The following TRMT10B variants were observed in gnomAD, a reference collection of about 807,000 sequenced individuals.
TRMT10B encodes the protein tRNA methyltransferase 10 homolog B.
TRMT10B carries 33 observed loss-of-function variants against 43.8 expected under a neutral mutation model. That is an observed-to-expected ratio of 0.75 (90% CI 0.57 to 1.01). The LOEUF is 1.01. TRMT10B is among the 50% of genes least tolerant of loss of function. TRMT10B has a pLI of 0.00. For missense variants in TRMT10B, 362 were observed against 369.8 expected (o/e 0.98, Z 0.17); for synonymous variants, 137 against 130.6 (o/e 1.05, Z -0.34).
rs1336699765 is a variant in TRMT10B at position 37,777,755 on chromosome 9, C to T, written c.*48C>T. The T allele has an allele frequency of 6.6e-7, 1 of 1,509,782 alleles. No homozygotes were observed. The highest frequency in any genetic ancestry group is 9.2e-7 in the Non-Finnish European group (1 of 1,086,474). 93.5% of individuals were successfully genotyped at this position (1,509,782 alleles called of 1,614,324 possible). A position where few individuals can be genotyped will look rare whatever the true frequency, so the allele number is the denominator to read the frequency against. On this transcript the variant is annotated 3_prime_UTR_variant, in exon 9 of 9. Coordinates refer to ENST00000297994, the MANE Select transcript of TRMT10B (RefSeq NM_144964.4). ...TGGCCAGGTGCTCACGCCGTAATGC[C>T]AACACTTTGGTAGACCGAAGTGGGC...
chr9:37,776,847 C>T (rs545966340), intron 8 of TRMT10B, among the ~76,000 whole-genome samples: 3 of 150,390 alleles, frequency 2.0e-5, no homozygotes, highest in African/African-American at 4.9e-5. Flanking sequence ...TGCAGTGAGC[C>T]GAGATCACAC....
At chr9:37,763,787 G>A (rs980294604) in intron 4 of TRMT10B, 34 bp downstream of exon 4, 19 of 1,612,666 alleles carry the variant, frequency 1.2e-5, no homozygotes, top group African/African-American at 4.0e-5. Flanking sequence ...ATTCCTGCTC[G>A]CCATGAGGGA....
At chr9:37,759,284 T>G (rs535368956) in intron 1 of TRMT10B, among the ~76,000 whole-genome samples, 1 of 152,324 alleles carries the variant, frequency 6.6e-6, no homozygotes, top group Non-Finnish European at 1.5e-5. Context: ...TACAATGGAA[T>G]GCTACTCAGC....
Position 37,760,092 on chromosome 9 carries a change from G to A in TRMT10B, c.-29-1811G>A, listed in dbSNP as rs186608530. Among the ~76,000 whole-genome samples the A allele has an allele frequency of 4.0e-4, 61 of 152,272 alleles. No homozygotes were observed. In the East Asian group the frequency reaches 9.9e-3, roughly 25 times the overall value. ...TGTAATCCCAGCACTTTGGGACGCC[G>A]AGGTGGGCGGATCACCTGAGGTCAG... On this transcript the variant is annotated intron_variant, in intron 1 of 8. Coordinates refer to ENST00000297994, the MANE Select transcript of TRMT10B (RefSeq NM_144964.4).
At chr9:37,763,904 C>T in intron 4 of TRMT10B, 151 bp downstream of exon 4, 2 of 1,488,614 alleles carry the variant, frequency 1.3e-6, no homozygotes, top group Middle Eastern at 1.8e-4. Flanking sequence ...TACTAAGTTC[C>T]AAGGTGGCTG....
rs779591108 is a variant in TRMT10B at position 37,762,630 on chromosome 9, G to T, written c.240G>T (p.Lys80Asn). The T allele has an allele frequency of 1.3e-6, 2 of 1,598,520 alleles. No individual in the cohort carries two copies. The highest frequency in any genetic ancestry group is 4.5e-5 in the East Asian group (2 of 44,712). Residue 80 changes from lysine (K) to asparagine (N), a missense_variant, in exon 3 of 9, where the codon AAG becomes AAT. Coordinates refer to ENST00000297994, the MANE Select transcript of TRMT10B (RefSeq NM_144964.4). ...GGGAAAAGATAGTTGCAGCAAAGAAGAGCAAAAGAAAGCAAGAAAAAGAAC... is the reference window on the plus strand; with the variant it reads ...GGGAAAAGATAGTTGCAGCAAAGAATAGCAAAAGAAAGCAAGAAAAAGAAC... The part of the protein sequence containing the change: ...RHWEKIVAAK[K>N]SKRKQEKERR...
At chr9:37,763,976 C>T (rs1349097030) in intron 4 of TRMT10B, 2 of 699,250 alleles carry the variant, frequency 2.9e-6, no homozygotes, top group Non-Finnish European at 4.3e-6. Flanking sequence ...TTTACCTTGT[C>T]TTCTGTTTTA....
intron 2 of TRMT10B, 24 bp downstream of exon 2, chr9:37,762,141 A>G (rs756551618): frequency 1.1e-5 from 17 of 1,599,076 alleles, no homozygotes; most frequent in Non-Finnish European, 1.4e-5. Flanking sequence ...TTGCCTGGCC[A>G]TAGGCCTTGA....
At chr9:37,773,181 C>T (rs894343544) in intron 7 of TRMT10B, among the ~76,000 whole-genome samples, 7 of 152,110 alleles carry the variant, frequency 4.6e-5, no homozygotes, top group African/African-American at 1.7e-4. Context: ...GATCATAGCT[C>T]GCTGCAACCT....
intron 1 of TRMT10B, among the ~76,000 whole-genome samples, chr9:37,759,120 C>A (rs1418923994): frequency 1.3e-5 from 2 of 152,220 alleles, no homozygotes. Flanking sequence ...CACACCTATG[C>A]TATGACCTAG....
intron 2 of TRMT10B, 124 bp downstream of exon 2, chr9:37,762,241 T>C (rs951700198): frequency 2.6e-6 from 3 of 1,152,628 alleles, no homozygotes; most frequent in Non-Finnish European, 3.6e-6. Flanking sequence ...TTCTGAGTGA[T>C]GAATTTTCTG....
chr9:37,777,300 G>C (rs935564030), intron 8 of TRMT10B, among the ~76,000 whole-genome samples: 1 of 143,850 alleles, frequency 7.0e-6, no homozygotes, highest in Non-Finnish European at 1.5e-5. Context: ...GATCTTCAGG[G>C]TTCAGTTCAG....
At chr9:37,761,457 G>GT (rs1449015874) in intron 1 of TRMT10B, among the ~76,000 whole-genome samples, 1 of 146,932 alleles carries the variant, frequency 6.8e-6, no homozygotes, top group Non-Finnish European at 1.5e-5. Flanking sequence ...CCCGCACTTT[G>GT]GGGGGCCGAG....
rs553172867 is a variant in TRMT10B, at chr9:37,760,217, G to C, written c.-29-1686G>C. Among the ~76,000 whole-genome samples the C allele has an allele frequency of 9.2e-5, 14 of 152,350 alleles. No individual in the cohort carries two copies. In the South Asian group the frequency reaches 2.5e-3, roughly 27 times the overall value. On this transcript the variant is annotated intron_variant, in intron 1 of 8. Coordinates refer to ENST00000297994, the MANE Select transcript of TRMT10B (RefSeq NM_144964.4). ...TGGCGCCTGTAATCCCACTACTGGG[G>C]AGGCTGAAGCAGGAGAATTGTTTGA...
chr9:37,763,165 A>AAAAC (rs74171523), intron 3 of TRMT10B, among the ~76,000 whole-genome samples: 1 of 143,842 alleles, frequency 7.0e-6, no homozygotes, highest in African/African-American at 2.5e-5. Flanking sequence ...AAAAAAAAAA[A>AAAAC]CAAAAAAAAA....
rs1346198810 is a variant in TRMT10B at position 37,776,318 on chromosome 9, A to C, written c.757A>C (p.Lys253Gln). Residue 253 changes from lysine to glutamine, a missense_variant, in exon 8 of 9, where the codon AAG becomes CAG. Transcript: ENST00000297994. Reference protein sequence around the residue: ...TFQKAREYSVKTARLPIQEYM... With the variant: ...TFQKAREYSVQTARLPIQEYM... ...TCAAAAGGCCCGGGAATACTCTGTC[A>C]AGACCGCACGCTTGCCAATCCAGGA... 4 of 1,608,832 alleles carry C rather than the reference A, an allele frequency of 2.5e-6. No homozygotes were observed. In the African/African-American group the frequency reaches 5.4e-5, roughly 22 times the overall value.
intron 1 of TRMT10B, among the ~76,000 whole-genome samples, chr9:37,760,329 GTAATT>G (rs1022007122): frequency 2.0e-5 from 3 of 152,104 alleles, no homozygotes; most frequent in Non-Finnish European, 4.4e-5. Context: ...CTCAAAATAA[GTAATT>G]TAAATAGGGG....
In TRMT10B at chr9:37,777,787, C is replaced by T. The variant is rs1317540936; in HGVS notation, c.*80C>T. 11 of 1,174,948 alleles carry T rather than the reference C, an allele frequency of 9.4e-6. No individual in the cohort carries two copies. Among genetic ancestry groups the T allele is most frequent in the Non-Finnish European group, 1.4e-5 (11 of 792,018 alleles). 72.8% of individuals were successfully genotyped at this position (1,174,948 alleles called of 1,614,324 possible). Reference sequence around the variant, plus strand: ...TTGGTAGACCGAAGTGGGCAGATCACCTGAGGTCAGGAGTTCACGACCAGC... The same window carrying T: ...TTGGTAGACCGAAGTGGGCAGATCATCTGAGGTCAGGAGTTCACGACCAGC... On this transcript the variant is annotated 3_prime_UTR_variant, in exon 9 of 9. Coordinates refer to ENST00000297994, the MANE Select transcript of TRMT10B (RefSeq NM_144964.4).
chr9:37,771,594 A>C (rs1197201649), intron 7 of TRMT10B, among the ~76,000 whole-genome samples: 1 of 152,246 alleles, frequency 6.6e-6, no homozygotes, highest in Non-Finnish European at 1.5e-5. Flanking sequence ...AGCAGGGGCT[A>C]CTTACAGAAG....
Sources: gnomAD v4.1 joint callset for allele counts (sites outside exome capture counted in the v4.1 genomes callset) on GRCh38, gnomAD v4.1.1 for gene constraint, MANE v1.5 for transcripts, NCBI Gene and HGNC (gene_info 2026-07-23, HGNC 2026-07-21) for gene names.